The following GRK5 variants were observed in gnomAD, a reference collection of about 807,000 sequenced individuals.
The protein encoded by GRK5 is G protein-coupled receptor kinase 5.
Under a neutral mutation model 78.4 loss-of-function variants are expected in GRK5, and 40 were observed. The observed-to-expected ratio is 0.51, with a 90% confidence interval of 0.40 to 0.66. The LOEUF (loss-of-function observed/expected upper bound fraction) is 0.66. Among genes scored for constraint, GRK5 ranks in the 30% least tolerant of loss-of-function variants. GRK5 has a pLI of 0.00. For synonymous variants in GRK5, 289 were observed against 296.8 expected, an observed-to-expected ratio of 0.97 and a Z score of 0.27; for missense variants, 598 against 759.9, an observed-to-expected ratio of 0.79 and a Z score of 2.50.
chr10:119,298,401 T>C (rs931153772), intron 1 of GRK5, among the ~76,000 whole-genome samples: 1 of 152,208 alleles, frequency 6.6e-6, no homozygotes, highest in Non-Finnish European at 1.5e-5. Flanking sequence ...CCAACTCTAG[T>C]GCCGTGCTCT....
chr10:119,453,160 T>G lies in GRK5; in HGVS notation c.1558T>G (p.Cys520Gly). ...GCCCCTCCAGATGATAGAAACAGAA[T>G]GCTTTAAGGAGCTGAACGTGTTTGG... is the stretch of plus-strand genomic sequence containing the variant. Reference protein sequence around the residue: ...PWQNEMIETECFKELNVFGPN... With the variant: ...PWQNEMIETEGFKELNVFGPN... Residue 520 changes from cysteine (C) to glycine (G), a missense_variant, in exon 15 of 16, where the codon TGC (cysteine) becomes GGC (glycine). Transcript: ENST00000392870. 2 of 1,548,794 alleles carry G rather than the reference T, an allele frequency of 1.3e-6. No homozygotes were observed. The highest frequency in any genetic ancestry group is 1.8e-6 in the Non-Finnish European group (2 of 1,120,498).
chr10:119,340,600 G>T (rs1850966645), intron 2 of GRK5, among the ~76,000 whole-genome samples: 1 of 152,198 alleles, frequency 6.6e-6, no homozygotes, highest in African/African-American at 2.4e-5. Context: ...TCTAGGGAGA[G>T]AATTGTACCA....
At chr10:119,261,306 C>T (rs1483238354) in intron 1 of GRK5, among the ~76,000 whole-genome samples, 8 of 146,466 alleles carry the variant, frequency 5.5e-5, no homozygotes, top group South Asian at 2.2e-4. Flanking sequence ...GACAGGGCGG[C>T]GGGGCAGAGA....
intron 2 of GRK5, among the ~76,000 whole-genome samples, chr10:119,363,279 C>CAAAAAAA (rs373115186): frequency 7.7e-6 from 1 of 130,484 alleles, no homozygotes; most frequent in Non-Finnish European, 1.7e-5. Flanking sequence ...GAAACTGTCT[C>CAAAAAAA]AAAAAAAAAA....
At chr10:119,280,432 C>T (rs756661640) in intron 1 of GRK5, among the ~76,000 whole-genome samples, 10 of 152,206 alleles carry the variant, frequency 6.6e-5, no homozygotes, top group Non-Finnish European at 1.0e-4. Context: ...GCAAGGCCAG[C>T]GCCCACCCAT....
chr10:119,404,073 A>G (rs768699883), intron 4 of GRK5, among the ~76,000 whole-genome samples: 4 of 152,200 alleles, frequency 2.6e-5, no homozygotes, highest in Non-Finnish European at 5.9e-5. Flanking sequence ...TGGTAACTCT[A>G]TGTTTAAACT....
In GRK5 at chr10:119,423,279, G is replaced by A. The variant is rs1481052704; in HGVS notation, c.440+13G>A. On this transcript the variant is annotated intron_variant, in intron 5 of 15. Coordinates refer to ENST00000392870, the MANE Select transcript of GRK5 (RefSeq NM_005308.3). ...CTGCCTGTGCACAGTAAGTGCCGTA[G>A]TCACCTGGCCTGTCCTCCCCGGGCT... 1 of 1,592,722 alleles carries A rather than the reference G, an allele frequency of 6.3e-7. No homozygotes were observed. The highest frequency in any genetic ancestry group is 8.6e-7 in the Non-Finnish European group (1 of 1,160,386).
Position 119,338,268 on chromosome 10 carries a change from G to A in GRK5, c.148+11657G>A, listed in dbSNP as rs1036066944. ...CAGTGGACCACAGGAATGTCTGTGG[G>A]AGGAGCAATTGTTTTCCAGGCCATG... is the stretch of plus-strand genomic sequence containing the variant. On this transcript the variant is annotated intron_variant, in intron 2 of 15. Coordinates refer to ENST00000392870, the MANE Select transcript of GRK5 (RefSeq NM_005308.3). Among the ~76,000 whole-genome samples the A allele has an allele frequency of 3.3e-5, 5 of 152,284 alleles. No individual in the cohort carries two copies. In the East Asian group the frequency reaches 9.6e-4, roughly 29 times the overall value.
intron 12 of GRK5, among the ~76,000 whole-genome samples, chr10:119,446,808 C>A (rs759997640): frequency 1.2e-4 from 19 of 152,292 alleles, no homozygotes; most frequent in Non-Finnish European, 2.2e-4. Context: ...CCCCTCCAGA[C>A]CCTGAGCCCC....
At chr10:119,395,302 C>G (rs1300533584) in intron 3 of GRK5, among the ~76,000 whole-genome samples, 1 of 152,228 alleles carries the variant, frequency 6.6e-6, no homozygotes, top group African/African-American at 2.4e-5. Context: ...CACTCGCTCA[C>G]TGTGGTTGGA....
rs536801596 is a variant in GRK5, at chr10:119,454,253, A to G, written c.1675-716A>G. ...CTGGGTCCTAGAAAAAGAAATTACC[A>G]TGGAGTCTCACAGACCCGGGTTCAA... On this transcript the variant is annotated intron_variant, in intron 15 of 15. Transcript: ENST00000392870. Among the ~76,000 whole-genome samples, 219 of 152,308 alleles carry G rather than the reference A, an allele frequency of 1.4e-3. 1 individual carries two copies. The highest frequency in any genetic ancestry group is 4.4e-3 in the African/African-American group (184 of 41,564).
intron 3 of GRK5, among the ~76,000 whole-genome samples, chr10:119,390,106 G>A (rs755613418): frequency 3.3e-5 from 5 of 152,198 alleles, no homozygotes; most frequent in Non-Finnish European, 7.3e-5. Context: ...TTCTGAGAGG[G>A]AAGGAGGAAA....
chr10:119,404,300 C>G (rs965728836), intron 4 of GRK5, among the ~76,000 whole-genome samples: 2 of 152,106 alleles, frequency 1.3e-5, no homozygotes, highest in East Asian at 3.9e-4. Flanking sequence ...GCTTTTTGGC[C>G]ACTTGTGTAA....
chr10:119,354,599 G>A (rs1414136393), intron 2 of GRK5, among the ~76,000 whole-genome samples: 1 of 151,904 alleles, frequency 6.6e-6, no homozygotes, highest in East Asian at 1.9e-4. Context: ...ACGGGGTTTT[G>A]CCATGTTGCC....
At chr10:119,335,129 C>CCTCTCTCTCTCTCTCTCTCTCT (rs71016564) in intron 2 of GRK5, 2 of 9,870 alleles carry the variant, frequency 2.0e-4, no homozygotes, top group African/African-American at 8.6e-4. Flanking sequence ...GCCTGCCTTG[C>CCTCTCTCTCTCTCTCTCTCTCT]CTCTCTCTCT....
intron 4 of GRK5, among the ~76,000 whole-genome samples, chr10:119,402,881 T>C (rs1852172499): frequency 1.3e-5 from 2 of 152,198 alleles, no homozygotes; most frequent in African/African-American, 4.8e-5. Context: ...AAAACAAAAA[T>C]ACCAATTTTT....
At chr10:119,284,246 T>C (rs1849811413) in intron 1 of GRK5, among the ~76,000 whole-genome samples, 1 of 152,162 alleles carries the variant, frequency 6.6e-6, no homozygotes, top group Non-Finnish European at 1.5e-5. Context: ...ACAACTGATA[T>C]TATTTTAATA....
chr10:119,298,133 A>G (rs1850114341), intron 1 of GRK5, among the ~76,000 whole-genome samples: 2 of 152,174 alleles, frequency 1.3e-5, no homozygotes, highest in Non-Finnish European at 2.9e-5. Context: ...TGCATGTGCT[A>G]TGCTCAGCAC....
intron 3 of GRK5, among the ~76,000 whole-genome samples, chr10:119,383,682 T>C (rs1237574225): frequency 6.6e-6 from 1 of 152,270 alleles, no homozygotes; most frequent in East Asian, 1.9e-4. Flanking sequence ...TGACTGATGC[T>C]CATCGTCTCA....
Sources: gnomAD v4.1 joint callset for allele counts (sites outside exome capture counted in the v4.1 genomes callset) on GRCh38, gnomAD v4.1.1 for gene constraint, MANE v1.5 for transcripts, NCBI Gene and HGNC (gene_info 2026-07-23, HGNC 2026-07-21) for gene names.